The following SLC12A1 variants were observed in gnomAD, a reference collection of about 807,000 sequenced individuals.
The protein encoded by SLC12A1 is solute carrier family 12 member 1.
Under a neutral mutation model 130.4 loss-of-function variants are expected in SLC12A1, and 89 were observed. The ratio of observed to expected loss-of-function variants is 0.68; its 90% CI spans 0.58 to 0.81. SLC12A1 has a LOEUF of 0.81. SLC12A1 is among the 40% of genes least tolerant of loss of function. The probability of loss-of-function intolerance (pLI) is 0.00; values close to 1 mark genes in which losing one functional copy is unlikely to be tolerated. For synonymous variants in SLC12A1, 499 were observed against 460.0 expected, an observed-to-expected ratio of 1.08 and a Z score of -1.09; for missense variants, 1,310 against 1,336.4, an observed-to-expected ratio of 0.98 and a Z score of 0.31.
rs1197323640 is a variant in SLC12A1 at position 48,231,239 on chromosome 15, C to CT, written c.975+737dup. 3.3e-5 allele frequency among the ~76,000 whole-genome samples: 5 copies of CT among 152,298 alleles called. No individual in the cohort carries two copies. In the East Asian group the frequency reaches 9.6e-4, roughly 29 times the overall value. On this transcript the variant is annotated intron_variant, in intron 7 of 26. Transcript: ENST00000380993. Reference sequence around the variant, plus strand: ...CATTCAACAAAAATTAAGTTAGTGCCTACCACATGTTGAGCATTCTTCTAG... The same window carrying CT: ...CATTCAACAAAAATTAAGTTAGTGCCTTACCACATGTTGAGCATTCTTCTAG...
chr15:48,233,595 C>T (rs2041404895), intron 8 of SLC12A1, among the ~76,000 whole-genome samples: 1 of 152,204 alleles, frequency 6.6e-6, no homozygotes, highest in South Asian at 2.1e-4. Flanking sequence ...TTTACTCCTT[C>T]TATCTGTTCT....
intron 20 of SLC12A1, among the ~76,000 whole-genome samples, chr15:48,281,971 C>T (rs1451065275): frequency 6.6e-6 from 1 of 152,132 alleles, no homozygotes; most frequent in Non-Finnish European, 1.5e-5. Context: ...GCAAGCAGTA[C>T]ACCAGATAGA....
intron 10 of SLC12A1, among the ~76,000 whole-genome samples, chr15:48,242,637 T>C (rs1890299841): frequency 6.6e-6 from 1 of 151,948 alleles, no homozygotes; most frequent in South Asian, 2.1e-4. Context: ...ACCCCATTCC[T>C]ACAAAAAATA....
At chr15:48,295,996 G>A (rs1842257343) in intron 24 of SLC12A1, among the ~76,000 whole-genome samples, 1 of 152,170 alleles carries the variant, frequency 6.6e-6, no homozygotes, top group African/African-American at 2.4e-5. Flanking sequence ...CAACTCCTCT[G>A]GATGGTCTAA....
At chr15:48,289,671 G>A (rs1161943765) in intron 23 of SLC12A1, among the ~76,000 whole-genome samples, 1 of 151,902 alleles carries the variant, frequency 6.6e-6, no homozygotes, top group Non-Finnish European at 1.5e-5. Context: ...GAATACTATA[G>A]GCAAATGTGA....
At chr15:48,283,393 C>G (rs2042027441) in intron 20 of SLC12A1, among the ~76,000 whole-genome samples, 1 of 152,348 alleles carries the variant, frequency 6.6e-6, no homozygotes. Flanking sequence ...TGCAGCTTGT[C>G]TTCTCCTTTC....
At chr15:48,264,092 A>G (rs963463319) in intron 17 of SLC12A1, among the ~76,000 whole-genome samples, 1 of 152,174 alleles carries the variant, frequency 6.6e-6, no homozygotes, top group African/African-American at 2.4e-5. Context: ...AGGCAATGTT[A>G]TCTGAATTTT....
chr15:48,279,001 T>C (rs2041984226), intron 20 of SLC12A1, among the ~76,000 whole-genome samples: 1 of 152,236 alleles, frequency 6.6e-6, no homozygotes, highest in Admixed American at 6.5e-5. Flanking sequence ...GAAATATTTC[T>C]GCTTCTTAGT....
intron 2 of SLC12A1, among the ~76,000 whole-genome samples, chr15:48,210,304 C>T (rs1198426141): frequency 2.0e-5 from 3 of 152,164 alleles, no homozygotes; most frequent in Non-Finnish European, 4.4e-5. Flanking sequence ...CCACGTCACA[C>T]ATGATAATTT....
At chr15:48,287,267 A>G (rs1348055717) in intron 21 of SLC12A1, among the ~76,000 whole-genome samples, 1 of 152,222 alleles carries the variant, frequency 6.6e-6, no homozygotes, top group African/African-American at 2.4e-5. Context: ...TATCCATGTT[A>G]GGGTAGAAAT....
chr15:48,206,419 A>C (rs1244840103), intron 1 of SLC12A1, 89 bp downstream of exon 1: 1 of 152,214 alleles, frequency 6.6e-6, no homozygotes, highest in Non-Finnish European at 1.5e-5. Flanking sequence ...GGTGTCAAGG[A>C]CTATGAAGAG....
intron 20 of SLC12A1, among the ~76,000 whole-genome samples, chr15:48,279,370 T>G (rs1268061626): frequency 6.6e-6 from 1 of 152,170 alleles, no homozygotes; most frequent in Non-Finnish European, 1.5e-5. Context: ...GATTATAATT[T>G]AAAGGAAATA....
intron 14 of SLC12A1, 30 bp downstream of exon 14, chr15:48,249,706 TA>T: frequency 7.0e-7 from 1 of 1,432,462 alleles, no homozygotes; most frequent in Non-Finnish European, 9.9e-7. Flanking sequence ...AAAATATGCC[TA>T]AGCAAACAGT....
At chr15:48,265,872 A>G (rs1348753958) in intron 17 of SLC12A1, among the ~76,000 whole-genome samples, 1 of 152,340 alleles carries the variant, frequency 6.6e-6, no homozygotes, top group Admixed American at 6.5e-5. Context: ...GTAGCCAATT[A>G]AAAAGGAAAA....
chr15:48,292,220 C>T (rs923414890), intron 24 of SLC12A1, among the ~76,000 whole-genome samples: 1 of 152,118 alleles, frequency 6.6e-6, no homozygotes, highest in Admixed American at 6.5e-5. Flanking sequence ...CAGAGTTACT[C>T]GTGGGGCAGC....
chr15:48,225,080 T>G (rs1443651435), intron 4 of SLC12A1: 1 of 152,236 alleles, frequency 6.6e-6, no homozygotes, highest in African/African-American at 2.4e-5. Flanking sequence ...GCAATATCAT[T>G]GAGTGTGTAC....
intron 23 of SLC12A1, among the ~76,000 whole-genome samples, chr15:48,289,122 G>C (rs1177876385): frequency 6.6e-6 from 1 of 151,558 alleles, no homozygotes; most frequent in Non-Finnish European, 1.5e-5. Context: ...CACAGTGTAA[G>C]TCTGTATCTT....
In SLC12A1 at chr15:48,238,498, C is replaced by T. The variant is rs975649816; in HGVS notation, c.1216-3017C>T. Among the ~76,000 whole-genome samples, 36 of 152,056 alleles carry T rather than the reference C, an allele frequency of 2.4e-4. 1 individual carries two copies. The highest frequency in any genetic ancestry group is 7.0e-4 in the African/African-American group (29 of 41,452). On this transcript the variant is annotated intron_variant, in intron 9 of 26. Coordinates refer to ENST00000380993, the MANE Select transcript of SLC12A1 (RefSeq NM_000338.3). ...AGAAAAAAGAGACAGAGCTAAGAAG[C>T]AGGAGAAATCAAAAGACAGTGGGGC...
chr15:48,300,495 C>T (rs1395516340), intron 25 of SLC12A1, among the ~76,000 whole-genome samples: 1 of 152,126 alleles, frequency 6.6e-6, no homozygotes, highest in African/African-American at 2.4e-5. Flanking sequence ...CAGAGAGCCT[C>T]GCTTGGACTG....
Sources: gnomAD v4.1 joint callset for allele counts (sites outside exome capture counted in the v4.1 genomes callset) on GRCh38, gnomAD v4.1.1 for gene constraint, MANE v1.5 for transcripts, NCBI Gene and HGNC (gene_info 2026-07-23, HGNC 2026-07-21) for gene names.